Variants in ATP9B observed in about 807,000 individuals in gnomAD.
ATP9B encodes the protein probable phospholipid-transporting ATPase IIB.
Under a neutral mutation model 146.1 loss-of-function variants are expected in ATP9B, and 110 were observed. That is an observed-to-expected ratio of 0.75 (90% CI 0.65 to 0.88). The LOEUF (loss-of-function observed/expected upper bound fraction) is 0.88, where lower values mean the gene tolerates loss of function less well. Among genes scored for constraint, ATP9B ranks in the 40% least tolerant of loss-of-function variants. ATP9B has a pLI of 0.00. For missense variants in ATP9B, 1,499 were observed against 1,496.4 expected (o/e 1.00, Z -0.03); for synonymous variants, 604 against 569.7 (o/e 1.06, Z -0.86).
chr18:79,350,705 G>A (rs1319169562), intron 25 of ATP9B, among the ~76,000 whole-genome samples: 1 of 151,642 alleles, frequency 6.6e-6, no homozygotes, highest in Non-Finnish European at 1.5e-5. Context: ...GGTACAATAA[G>A]TGCTAACGCT....
At chr18:79,346,063 C>T (rs2096884803) in intron 23 of ATP9B, among the ~76,000 whole-genome samples, 1 of 151,070 alleles carries the variant, frequency 6.6e-6, no homozygotes, top group Admixed American at 6.6e-5. Context: ...TCGGTCGGCG[C>T]ACGTCAGCAC....
In ATP9B at chr18:79,251,431, T is replaced by G. The variant is rs144079121; in HGVS notation, c.1108-1950T>G. On this transcript the variant is annotated intron_variant, in intron 11 of 29. Transcript: ENST00000426216. ...AAAACTTACTATTTTATGATTCTGT[T>G]TTATAACATAGATCACTGGTGTTCA... is the stretch of plus-strand genomic sequence containing the variant. Among the ~76,000 whole-genome samples the G allele has an allele frequency of 3.9e-4, 59 of 152,372 alleles. 1 individual carries two copies. The East Asian group carries it at 0.011, about 28-fold the overall frequency.
Position 79,303,677 on chromosome 18 carries a change from G to C in ATP9B, c.1485G>C (p.Met495Ile), listed in dbSNP as rs1485020113. ...CCGTGTCCTATGGCGCCGACACGAT[G>C]GATGAGATCCAGAGCCATGTCAGGG... ...LGTVSYGADT[M>I]DEIQSHVRDS... The change falls in exon 14 of 30, where the codon ATG becomes ATC. Residue 495 changes from methionine to isoleucine, a missense_variant. Met to Ile is a conservative substitution (Grantham distance 10). Coordinates refer to ENST00000426216, the MANE Select transcript of ATP9B (RefSeq NM_198531.5). 6.2e-7 allele frequency: 1 copy of C among 1,614,066 alleles called. No individual in the cohort carries two copies. Among genetic ancestry groups the C allele is most frequent in the Admixed American group, 1.7e-5 (1 of 60,020 alleles).
At chr18:79,248,088 G>T (rs555393356) in intron 11 of ATP9B, among the ~76,000 whole-genome samples, 5 of 152,086 alleles carry the variant, frequency 3.3e-5, no homozygotes, top group Non-Finnish European at 7.4e-5. Flanking sequence ...TTCTTATTTC[G>T]CAGATCACTG....
chr18:79,273,117 TG>T (rs2096273216), intron 12 of ATP9B, among the ~76,000 whole-genome samples: 1 of 152,324 alleles, frequency 6.6e-6, no homozygotes, highest in Non-Finnish European at 1.5e-5. Context: ...AGAGTACATG[TG>T]CGTGTTTTAT....
chr18:79,353,014 C>G (rs1339729480), intron 25 of ATP9B: 1 of 152,192 alleles, frequency 6.6e-6, no homozygotes, highest in Non-Finnish European at 1.5e-5. Context: ...TAAGAATGGT[C>G]AGTAAGCACA....
At chr18:79,160,187 A>G (rs1234687319) in intron 7 of ATP9B, among the ~76,000 whole-genome samples, 1 of 152,188 alleles carries the variant, frequency 6.6e-6, no homozygotes, top group Non-Finnish European at 1.5e-5. Flanking sequence ...TTAAAAAACT[A>G]TTTTGTTAGT....
chr18:79,337,013 A>G (rs534207486), intron 18 of ATP9B, among the ~76,000 whole-genome samples: 83 of 152,294 alleles, frequency 5.4e-4, no homozygotes, highest in Non-Finnish European at 7.4e-4. Context: ...ATGTGCACAT[A>G]GGCGCCTCCC....
chr18:79,135,976 TTGTC>T (rs549088557), intron 5 of ATP9B, among the ~76,000 whole-genome samples: 50 of 152,342 alleles, frequency 3.3e-4, no homozygotes, highest in African/African-American at 1.1e-3. Flanking sequence ...ATTGATCTGT[TTGTC>T]TGTCTGTAAA....
rs2096864111 is a variant in ATP9B, at chr18:79,342,380, T to G, written c.2382+14T>G. 1 of 1,560,958 alleles carries G rather than the reference T, an allele frequency of 6.4e-7. No individual in the cohort carries two copies. The highest frequency in any genetic ancestry group is 8.8e-7 in the Non-Finnish European group (1 of 1,136,002). ...ATTTTCAGACAGGTAAGTATGTATC[T>G]TAATCACTTTGAATTTTTAAACATT... is the stretch of plus-strand genomic sequence containing the variant. On this transcript the variant is annotated intron_variant, in intron 20 of 29. Transcript: ENST00000426216.
At chr18:79,341,142 G>A (rs879934079) in intron 19 of ATP9B, among the ~76,000 whole-genome samples, 31 of 152,154 alleles carry the variant, frequency 2.0e-4, no homozygotes, top group African/African-American at 3.6e-4. Context: ...TGTGTGTAGC[G>A]TGACCTCGTT....
rs1599650911 is a variant in ATP9B, at chr18:79,114,465, C to G, written c.558+1111C>G. Among the ~76,000 whole-genome samples, 3 of 152,206 alleles carry G rather than the reference C, an allele frequency of 2.0e-5. No homozygotes were observed. In the East Asian group the frequency reaches 5.8e-4, roughly 29 times the overall value. On this transcript the variant is annotated intron_variant, in intron 4 of 29. Coordinates refer to ENST00000426216, the MANE Select transcript of ATP9B (RefSeq NM_198531.5). ...GCCTGGGTAGGCTCCGTCTCCCTAA[C>G]CAGAGAACTCCAGATGAAGCAGGAG... is the stretch of plus-strand genomic sequence containing the variant.
chr18:79,103,492 G>A (rs2075436230), intron 2 of ATP9B, among the ~76,000 whole-genome samples: 3 of 152,050 alleles, frequency 2.0e-5, no homozygotes, highest in African/African-American at 7.2e-5. Flanking sequence ...GAATAAGGAG[G>A]TGACACCTTT....
intron 1 of ATP9B, chr18:79,084,987 T>A (rs1453339229): frequency 6.9e-6 from 1 of 144,418 alleles, no homozygotes; most frequent in Admixed American, 7.4e-5. Context: ...AATATAATAC[T>A]TGAGGCTGGG....
intron 17 of ATP9B, among the ~76,000 whole-genome samples, chr18:79,333,266 A>T (rs1007669483): frequency 6.6e-6 from 1 of 152,214 alleles, no homozygotes; most frequent in East Asian, 1.9e-4. Flanking sequence ...CTGGGCTGCA[A>T]CTGCCATCTC....
intron 13 of ATP9B, among the ~76,000 whole-genome samples, chr18:79,302,215 G>A (rs765549054): frequency 2.0e-5 from 3 of 152,220 alleles, no homozygotes; most frequent in Non-Finnish European, 4.4e-5. Flanking sequence ...GATTTATAAC[G>A]TCAGCAGTAT....
intron 9 of ATP9B, among the ~76,000 whole-genome samples, chr18:79,203,128 G>A (rs11873620): frequency 0.024 from 3,656 of 152,322 alleles, 148 homozygotes; most frequent in African/African-American, 0.083. Context: ...GGAGGAGCAG[G>A]TGCCTGATGC....
intron 9 of ATP9B, among the ~76,000 whole-genome samples, chr18:79,200,791 A>AGGTGGGC (rs1555749773): frequency 6.7e-4 from 1 of 1,500 alleles, no homozygotes; most frequent in Non-Finnish European, 1.8e-3. Context: ...GTAGTGGTGG[A>AGGTGGGC]ATTGTTTTCA....
Position 79,369,169 on chromosome 18 carries a change from C to T in ATP9B, c.3013-3656C>T, listed in dbSNP as rs149068425. On this transcript the variant is annotated intron_variant, in intron 26 of 29. Coordinates refer to ENST00000426216, the MANE Select transcript of ATP9B (RefSeq NM_198531.5). ...TAAGAATCAGATTGGGAGGCCGAGGCGGGCGGGTCACGAGGTCAGGAGATC... is the reference window on the plus strand; with the variant it reads ...TAAGAATCAGATTGGGAGGCCGAGGTGGGCGGGTCACGAGGTCAGGAGATC... Among the ~76,000 whole-genome samples, 659 of 152,232 alleles carry T rather than the reference C, an allele frequency of 4.3e-3. 4 individuals are homozygous for T. The highest frequency in any genetic ancestry group is 0.015 in the African/African-American group (606 of 41,548).
Sources: gnomAD v4.1 joint callset for allele counts (sites outside exome capture counted in the v4.1 genomes callset) on GRCh38, gnomAD v4.1.1 for gene constraint, MANE v1.5 for transcripts, NCBI Gene and HGNC (gene_info 2026-07-23, HGNC 2026-07-21) for gene names.